ZNF560: variants seen among roughly 807,000 people sequenced by gnomAD.
ZNF560 encodes zinc finger protein 560.
A neutral mutation model predicts 81.8 loss-of-function variants in ZNF560; 54 were observed. The observed-to-expected ratio is 0.66, with a 90% CI of 0.53 to 0.83. ZNF560 has a LOEUF of 0.83. ZNF560 is among the 40% of genes least tolerant of loss of function. The pLI is 0.00. For synonymous variants in ZNF560, 321 were observed against 317.9 expected (o/e 1.01, Z -0.10); for missense variants, 940 against 932.4 (o/e 1.01, Z -0.11).
At chr19:9,501,327 T>TTGTGTGTGTGTGTGTG (rs71185606), upstream of ZNF560, among the ~76,000 whole-genome samples, 5 of 109,020 alleles carry the variant, frequency 4.6e-5, no homozygotes, top group African/African-American at 1.1e-4. Context: ...CCTGGCTACT[T>TTGTGTGTGTGTGTGTG]TGTGTGTGTG....
At position 9,475,327 on chromosome 19, in the gene ZNF560, T is replaced by G. The variant is rs1165275775; in HGVS notation, c.-14A>C. 3 of 1,613,574 alleles carry G rather than the reference T, an allele frequency of 1.9e-6. No individual in the cohort carries two copies. In the African/African-American group the frequency reaches 4.0e-5, roughly 22 times the overall value. On this transcript the variant is annotated 5_prime_UTR_variant, in exon 3 of 10. Transcript: ENST00000301480. Reference sequence around the variant, plus strand: ...GCAGTAAGCCATCTTCCTTTCTGCCTCTGTCTTTTCTTCATGAAGGCAGAT... The same window carrying G: ...GCAGTAAGCCATCTTCCTTTCTGCCGCTGTCTTTTCTTCATGAAGGCAGAT...
intron 2 of ZNF560, among the ~76,000 whole-genome samples, chr19:9,480,233 C>T (rs1278300811): frequency 6.6e-6 from 1 of 152,066 alleles, no homozygotes; most frequent in East Asian, 1.9e-4. Context: ...CACAAAACAA[C>T]AACAACAACA....
At chr19:9,448,220 G>A in the ZNF560 span, among the ~76,000 whole-genome samples, 1 of 151,778 alleles carries the variant, frequency 6.6e-6, no homozygotes, top group Non-Finnish European at 1.5e-5. Flanking sequence ...TTTTGTGTGT[G>A]CGTGTGGCGG....
intron 2 of ZNF560, among the ~76,000 whole-genome samples, chr19:9,483,643 C>G (rs1336390302): frequency 6.8e-6 from 1 of 147,216 alleles, no homozygotes; most frequent in Non-Finnish European, 1.5e-5. Context: ...GCCAGCCCCC[C>G]GCCGGCCAGC....
chr19:9,491,243 T>C (rs1019970963), intron 2 of ZNF560, among the ~76,000 whole-genome samples: 4 of 152,008 alleles, frequency 2.6e-5, no homozygotes, highest in African/African-American at 9.7e-5. Context: ...CTCCCAAGCA[T>C]CTGGGACGAC....
the ZNF560 span, among the ~76,000 whole-genome samples, chr19:9,506,419 T>G: frequency 1.3e-5 from 2 of 151,668 alleles, no homozygotes; most frequent in South Asian, 2.1e-4. Flanking sequence ...CTGTTGTTTT[T>G]TTTTTTTTTG....
chr19:9,497,216 AG>A (rs2073573954), intron 2 of ZNF560, among the ~76,000 whole-genome samples: 2 of 151,552 alleles, frequency 1.3e-5, no homozygotes, highest in South Asian at 4.1e-4. Context: ...TATTATACAT[AG>A]TAAATATTAG....
downstream of ZNF560, among the ~76,000 whole-genome samples, chr19:9,461,357 G>C (rs1025872435): frequency 6.6e-6 from 1 of 152,140 alleles, no homozygotes; most frequent in African/African-American, 2.4e-5. Context: ...GAGAGCTCAA[G>C]AAGGAGTTGG....
At chr19:9,465,471 G>A (rs1290839324), downstream of ZNF560, among the ~76,000 whole-genome samples, 1 of 152,108 alleles carries the variant, frequency 6.6e-6, no homozygotes, top group African/African-American at 2.4e-5. Flanking sequence ...TACAGCTTCA[G>A]GATGAACTCT....
In ZNF560 at chr19:9,467,344, T is replaced by C. The variant is rs757383459; in HGVS notation, c.1603A>G (p.Met535Val). Residue 535 changes from methionine to valine, a missense_variant, in exon 10 of 10, where the codon ATG becomes GTG. Physicochemically the swap from Met to Val is conservative, Grantham distance 21. Coordinates refer to ENST00000301480, the MANE Select transcript of ZNF560 (RefSeq NM_152476.3). Reference sequence around the variant, plus strand: ...AGTCTCTCTTCTGTGTGAGTTCGCATGTGAATACGAAGACAGGCAGAAGAG... The same window carrying C: ...AGTCTCTCTTCTGTGTGAGTTCGCACGTGAATACGAAGACAGGCAGAAGAG... ...FTSSACLRIH[M>V]RTHTEERLYQ... The C allele has an allele frequency of 2.5e-6, 4 of 1,614,152 alleles. No homozygotes were observed.
the ZNF560 span, among the ~76,000 whole-genome samples, chr19:9,446,365 TACACACACACACACAC>T: frequency 0.4 from 57,667 of 145,158 alleles, 12,170 homozygotes; most frequent in Non-Finnish European, 0.48. Context: ...TGCCAAGTCA[TACACACACACACACAC>T]ACACACACAC....
Position 9,466,710 on chromosome 19 carries a change from C to T in ZNF560, c.2237G>A (p.Gly746Glu). Residue 746 changes from glycine (G) to glutamate (E), a missense_variant, in exon 10 of 10, where the codon GGG becomes GAG. Transcript: ENST00000301480. ...GEKPYKCKECGKAFRTSSGRI... is the reference protein window; with the variant it reads ...GEKPYKCKECEKAFRTSSGRI... ...TCCTGAGGATGTACGGAAGGCCTTC[C>T]CACATTCCTTACATTTATAGGGCTT... The T allele has an allele frequency of 6.2e-7, 1 of 1,614,084 alleles. No individual in the cohort carries two copies. The highest frequency in any genetic ancestry group is 8.5e-7 in the Non-Finnish European group (1 of 1,180,004).
chr19:9,469,259 T>G, intron 8 of ZNF560, 72 bp from the exon 9 acceptor site: 1 of 1,192,562 alleles, frequency 8.4e-7, no homozygotes, highest in Non-Finnish European at 1.2e-6. Flanking sequence ...AGCAGATAGA[T>G]TTGAACAATT....
the ZNF560 span, among the ~76,000 whole-genome samples, chr19:9,450,937 G>A: frequency 3.3e-5 from 5 of 152,144 alleles, no homozygotes; most frequent in Non-Finnish European, 4.4e-5. Context: ...AACCAAGGAG[G>A]TTAAAGTTTC....
At chr19:9,455,934 A>G in the ZNF560 span, among the ~76,000 whole-genome samples, 1 of 152,232 alleles carries the variant, frequency 6.6e-6, no homozygotes, top group African/African-American at 2.4e-5. Context: ...AGAAAAAATC[A>G]GAGGGTCCAA....
intron 2 of ZNF560, among the ~76,000 whole-genome samples, chr19:9,477,724 A>AT (rs1424259598): frequency 6.6e-6 from 1 of 152,142 alleles, no homozygotes. Flanking sequence ...TTTTCCTAAA[A>AT]TTTCTGCTTG....
chr19:9,491,430 A>C (rs192635555), intron 2 of ZNF560, among the ~76,000 whole-genome samples: 10 of 152,120 alleles, frequency 6.6e-5, no homozygotes, highest in South Asian at 4.2e-4. Context: ...TCCAATCAAC[A>C]AAGATTTGTG....
rs927985250 is a variant in ZNF560, at chr19:9,466,374, T to C, written c.*200A>G. 3.9e-6 allele frequency: 2 copies of C among 514,130 alleles called. No individual in the cohort carries two copies. 31.8% of individuals were successfully genotyped at this position (514,130 alleles called of 1,614,324 possible). A position where few individuals can be genotyped will look rare whatever the true frequency, so the allele number is the denominator to read the frequency against. ...AAAAAAAGAGAGAGAGAAGAACTAG[T>C]GTTTTCCTACATCCCTTACATTTAC... On this transcript the variant is annotated 3_prime_UTR_variant, in exon 10 of 10. Coordinates refer to ENST00000301480, the MANE Select transcript of ZNF560 (RefSeq NM_152476.3).
intron 7 of ZNF560, 76 bp from the exon 8 acceptor site, chr19:9,469,786 A>C: frequency 8.0e-7 from 1 of 1,250,746 alleles, no homozygotes; most frequent in Admixed American, 1.7e-5. Flanking sequence ...AACAGGGACT[A>C]CGTTTCTAAT....
Sources: gnomAD v4.1 joint callset for allele counts (sites outside exome capture counted in the v4.1 genomes callset) on GRCh38, gnomAD v4.1.1 for gene constraint, MANE v1.5 for transcripts, NCBI Gene and HGNC (gene_info 2026-07-23, HGNC 2026-07-21) for gene names.